Variants in DHRSX observed in about 807,000 individuals in gnomAD.
DHRSX encodes the protein polyprenol dehydrogenase.
In DHRSX, 31 loss-of-function variants were observed where a neutral mutation model predicts 34.0. The observed-to-expected ratio is 0.91, with a 90% CI of 0.69 to 1.23. The LOEUF (loss-of-function observed/expected upper bound fraction) is 1.23. Among genes scored for constraint, DHRSX ranks in the 50% most tolerant of loss-of-function variants. The probability of loss-of-function intolerance (pLI) is 0.00; values close to 1 mark genes in which losing one functional copy is unlikely to be tolerated. For synonymous variants in DHRSX, 201 were observed against 183.8 expected (o/e 1.09, Z -0.76); for missense variants, 414 against 428.1 (o/e 0.97, Z 0.29).
At chrX:2,500,408 C>T in intron 1 of DHRSX, 2 of 170,610 alleles carry the variant, frequency 1.2e-5, no homozygotes, top group South Asian at 9.5e-5. Context: ...AGGCGGCAGG[C>T]AGAGCCGCCT....
At position 2,225,958 on chromosome X, in the gene DHRSX, G is replaced by A. The variant is rs192622981; in HGVS notation, c.805-4729C>T. ...TGAGGAGAAAACAGACATGCACAGAGGGACGACCCTGTGAGGACACAGTGA... is the reference window on the plus strand; with the variant it reads ...TGAGGAGAAAACAGACATGCACAGAAGGACGACCCTGTGAGGACACAGTGA... On this transcript the variant is annotated intron_variant, in intron 6 of 6. Transcript: ENST00000334651. Among the ~76,000 whole-genome samples, 269 of 152,060 alleles carry A rather than the reference G, an allele frequency of 1.8e-3. 1 individual carries two copies. Among genetic ancestry groups the A allele is most frequent in the African/African-American group, 6.1e-3 (253 of 41,486 alleles).
At chrX:2,242,429 T>A (rs1314268434) in intron 6 of DHRSX, among the ~76,000 whole-genome samples, 1 of 151,944 alleles carries the variant, frequency 6.6e-6, no homozygotes, top group Non-Finnish European at 1.5e-5. Context: ...AGTGGTTGTG[T>A]CAGAGCTGTG....
chrX:2,226,986 C>G (rs182341135), intron 6 of DHRSX, among the ~76,000 whole-genome samples: 1 of 152,074 alleles, frequency 6.6e-6, no homozygotes, highest in Non-Finnish European at 1.5e-5. Context: ...TTCGAGTCAG[C>G]CTTCCTCCTG....
chrX:2,430,854 CA>C (rs971905705), intron 1 of DHRSX, among the ~76,000 whole-genome samples: 5 of 149,402 alleles, frequency 3.3e-5, no homozygotes, highest in African/African-American at 7.4e-5. Flanking sequence ...TGCTACAAAA[CA>C]AAAAAAAAGG....
chrX:2,346,944 C>T (rs1464062345), intron 3 of DHRSX, among the ~76,000 whole-genome samples: 1 of 152,264 alleles, frequency 6.6e-6, no homozygotes, highest in East Asian at 1.9e-4. Context: ...ATGATGGTTT[C>T]CAGCTTCATC....
intron 1 of DHRSX, among the ~76,000 whole-genome samples, chrX:2,442,691 C>T (rs1170115510): frequency 1.3e-5 from 2 of 151,978 alleles, no homozygotes; most frequent in African/African-American, 4.8e-5. Flanking sequence ...GAAACAAGAA[C>T]CCCAGGAAAT....
chrX:2,385,931 C>T (rs185570724), intron 3 of DHRSX, among the ~76,000 whole-genome samples: 14 of 152,084 alleles, frequency 9.2e-5, no homozygotes, highest in African/African-American at 3.4e-4. Flanking sequence ...ATACTACACA[C>T]CTTAGGATTT....
At chrX:2,322,753 C>A (rs2042327928) in intron 3 of DHRSX, among the ~76,000 whole-genome samples, 2 of 151,170 alleles carry the variant, frequency 1.3e-5, no homozygotes, top group Admixed American at 6.6e-5. Context: ...ATAAAACATA[C>A]AAAATATATG....
At chrX:2,468,928 A>C (rs2044542876) in intron 1 of DHRSX, among the ~76,000 whole-genome samples, 1 of 151,892 alleles carries the variant, frequency 6.6e-6, no homozygotes, top group South Asian at 2.1e-4. Flanking sequence ...TGCACACTGA[A>C]GACGTTCCCT....
chrX:2,479,312 G>A (rs985508316), intron 1 of DHRSX, among the ~76,000 whole-genome samples: 3 of 149,782 alleles, frequency 2.0e-5, no homozygotes, highest in Non-Finnish European at 3.0e-5. Context: ...CTCCCGCACT[G>A]TGCACACTGA....
At chrX:2,369,494 TTTTG>T (rs1289136961) in intron 3 of DHRSX, among the ~76,000 whole-genome samples, 3 of 142,144 alleles carry the variant, frequency 2.1e-5, no homozygotes, top group Non-Finnish European at 4.5e-5. Context: ...TTTTGTTTTT[TTTTG>T]TTTGTTTTTC....
At chrX:2,427,961 C>T (rs1039646271) in intron 1 of DHRSX, among the ~76,000 whole-genome samples, 11 of 151,994 alleles carry the variant, frequency 7.2e-5, no homozygotes, top group African/African-American at 1.7e-4. Flanking sequence ...TGCAGCAACA[C>T]GAAGGGAACT....
chrX:2,272,725 C>A (rs1343505783), intron 4 of DHRSX, among the ~76,000 whole-genome samples: 1 of 152,106 alleles, frequency 6.6e-6, no homozygotes, highest in South Asian at 2.1e-4. Flanking sequence ...AGCTTCTTGA[C>A]ACCAGAGAAA....
At chrX:2,304,244 A>ATGG (rs2042070563) in intron 3 of DHRSX, among the ~76,000 whole-genome samples, 1 of 32,774 alleles carries the variant, frequency 3.1e-5, no homozygotes, top group African/African-American at 1.3e-4. Context: ...TGGATGGATA[A>ATGG]ATGGATGGAT....
At chrX:2,487,170 A>G (rs1411805355) in intron 1 of DHRSX, 10 of 152,268 alleles carry the variant, frequency 6.6e-5, no homozygotes, top group Non-Finnish European at 1.2e-4. Flanking sequence ...GCAGGAATCC[A>G]GCCACGGAAA....
chrX:2,397,191 G>T (rs1177272829), intron 3 of DHRSX, among the ~76,000 whole-genome samples: 1 of 151,858 alleles, frequency 6.6e-6, no homozygotes, highest in African/African-American at 2.4e-5. Flanking sequence ...GTAGAGACAA[G>T]GTCTTGCCAT....
chrX:2,399,688 A>G (rs1043364713), intron 3 of DHRSX, among the ~76,000 whole-genome samples: 2 of 147,802 alleles, frequency 1.4e-5, no homozygotes, highest in African/African-American at 5.0e-5. Context: ...CCTGGGCAAC[A>G]GAGCAAGACT....
intron 3 of DHRSX, among the ~76,000 whole-genome samples, chrX:2,366,147 T>C (rs1306380402): frequency 1.3e-5 from 2 of 152,016 alleles, no homozygotes; most frequent in Admixed American, 6.6e-5. Context: ...AAAATATTAA[T>C]TCTAAGAAAA....
At chrX:2,346,957 T>C (rs1040059990) in intron 3 of DHRSX, among the ~76,000 whole-genome samples, 7 of 152,210 alleles carry the variant, frequency 4.6e-5, no homozygotes, top group East Asian at 1.9e-4. Context: ...GCTTCATCCA[T>C]GTCCCTGCAA....
Sources: allele counts gnomAD v4.1 joint callset (sites outside exome capture counted in the v4.1 genomes callset), GRCh38; gene constraint gnomAD v4.1.1; transcripts MANE v1.5; gene names NCBI Gene and HGNC (gene_info 2026-07-23, HGNC 2026-07-21).